Variants in GALNT11 observed in about 807,000 individuals in gnomAD.
GALNT11 encodes the protein polypeptide N-acetylgalactosaminyltransferase 11, also known as UDP-GalNAc:polypeptide N-acetylgalactosaminyltransferase 11.
GALNT11 carries 47 observed loss-of-function variants against 72.7 expected under a neutral mutation model. The observed-to-expected ratio is 0.65, with a 90% CI of 0.51 to 0.82. The LOEUF is 0.82. Ranked by LOEUF, GALNT11 falls within the 40% of genes least tolerant of loss-of-function variation. The pLI, the probability that GALNT11 is intolerant of heterozygous loss-of-function variation, is 0.00. For missense variants in GALNT11, 677 were observed against 778.4 expected, an observed-to-expected ratio of 0.87 and a Z score of 1.55; for synonymous variants, 270 against 286.6, an observed-to-expected ratio of 0.94 and a Z score of 0.58.
intron 1 of GALNT11, among the ~76,000 whole-genome samples, 188 bp downstream of exon 1, chr7:152,026,072 G>C (rs2081996123): frequency 6.6e-6 from 1 of 152,052 alleles, no homozygotes; most frequent in South Asian, 2.1e-4. Flanking sequence ...CTGCCCCCGC[G>C]CCTCCCCCAG....
chr7:152,121,031 G>A, intron 11 of GALNT11, 63 bp downstream of exon 11: 2 of 1,560,804 alleles, frequency 1.3e-6, no homozygotes, highest in South Asian at 1.2e-5. Context: ...GTGAGGGAGT[G>A]TGGCAGATGA....
intron 1 of GALNT11, among the ~76,000 whole-genome samples, chr7:152,085,384 G>A (rs895873556): frequency 6.6e-6 from 1 of 152,060 alleles, no homozygotes; most frequent in Non-Finnish European, 1.5e-5. Flanking sequence ...TGAAGTTTTG[G>A]CCCTATTAAC....
chr7:152,025,953 C>A, intron 1 of GALNT11, 69 bp downstream of exon 1: 1 of 161,862 alleles, frequency 6.2e-6, no homozygotes, highest in Non-Finnish European at 1.4e-5. Context: ...GGCGGCGGCG[C>A]GCGGGGCCTG....
At chr7:152,096,972 G>C (rs1327500531) in intron 2 of GALNT11, among the ~76,000 whole-genome samples, 3 of 151,922 alleles carry the variant, frequency 2.0e-5, no homozygotes, top group African/African-American at 7.3e-5. Context: ...GGGCTACAGG[G>C]GTGTACCACT....
Position 152,121,898 on chromosome 7 carries a change from T to A in GALNT11, c.*221T>A. 2.1e-6 allele frequency: 1 copy of A among 481,104 alleles called. No homozygotes were observed. The highest frequency in any genetic ancestry group is 3.8e-5 in the Admixed American group (1 of 26,020). 29.8% of individuals were successfully genotyped at this position (481,104 alleles called of 1,614,324 possible). A position where few individuals can be genotyped will look rare whatever the true frequency, so the allele number is the denominator to read the frequency against. Reference sequence around the variant, plus strand: ...GGGTGAAGAAGTGAGTGTCCACGGGTGAAGAAGTGAGTATGTTTCACCTGG... The same window carrying A: ...GGGTGAAGAAGTGAGTGTCCACGGGAGAAGAAGTGAGTATGTTTCACCTGG... On this transcript the variant is annotated 3_prime_UTR_variant, in exon 12 of 12. Coordinates refer to ENST00000430044, the MANE Select transcript of GALNT11 (RefSeq NM_022087.4).
At chr7:152,080,696 T>A (rs1437044756) in intron 1 of GALNT11, among the ~76,000 whole-genome samples, 1 of 152,136 alleles carries the variant, frequency 6.6e-6, no homozygotes, top group South Asian at 2.1e-4. Flanking sequence ...GTACAGTGGC[T>A]CACGCCTGTA....
chr7:152,036,111 CTT>C (rs2082565405), intron 1 of GALNT11, among the ~76,000 whole-genome samples: 1 of 152,164 alleles, frequency 6.6e-6, no homozygotes, highest in African/African-American at 2.4e-5. Flanking sequence ...CAATGATACT[CTT>C]TTAAAGTTAC....
chr7:152,055,520 CGT>C (rs3031460), intron 1 of GALNT11, among the ~76,000 whole-genome samples: 20,705 of 136,254 alleles, frequency 0.15, 1,730 homozygotes, highest in Middle Eastern at 0.22. Context: ...ATATATAAAG[CGT>C]GTGTGTGTGT....
intron 1 of GALNT11, among the ~76,000 whole-genome samples, chr7:152,080,070 TA>T (rs1457824135): frequency 6.6e-6 from 1 of 152,234 alleles, no homozygotes; most frequent in Non-Finnish European, 1.5e-5. Flanking sequence ...AGATGGACAT[TA>T]AAAGGTGGTT....
In GALNT11 at chr7:152,103,226, G is replaced by C. The variant is rs772652571; in HGVS notation, c.534G>C (p.Thr178=). The change falls in exon 4 of 12, where the codon ACG becomes ACC. Residue 178 remains threonine (T), a synonymous_variant. Transcript: ENST00000430044. ...LRTVHSVIDR[T]PAHLLHEIIL... ...CAGTGCACAGTGTCATAGACCGCACGCCAGCACACCTGCTTCATGAGATCA... is the reference window on the plus strand; with the variant it reads ...CAGTGCACAGTGTCATAGACCGCACCCCAGCACACCTGCTTCATGAGATCA... 1 of 1,613,424 alleles carries C rather than the reference G, an allele frequency of 6.2e-7. No individual in the cohort carries two copies. Among genetic ancestry groups the C allele is most frequent in the South Asian group, 1.1e-5 (1 of 91,068 alleles).
At chr7:152,116,339 C>G (rs892061313) in intron 8 of GALNT11, among the ~76,000 whole-genome samples, 2 of 152,122 alleles carry the variant, frequency 1.3e-5, no homozygotes, top group African/African-American at 4.8e-5. Flanking sequence ...CAACCTCCAC[C>G]TCCCAGGTTC....
At chr7:152,103,568 C>T (rs6464203) in intron 4 of GALNT11, 36,008 of 309,702 alleles carry the variant, frequency 0.12, 6,080 homozygotes, top group African/African-American at 0.47. Flanking sequence ...ACAAAGACGG[C>T]CTATGTACCT....
intron 6 of GALNT11, among the ~76,000 whole-genome samples, chr7:152,108,567 G>A (rs1300244472): frequency 1.3e-5 from 2 of 152,196 alleles, no homozygotes; most frequent in African/African-American, 4.8e-5. Flanking sequence ...GGAGGGCCCC[G>A]TGTGGTGGTT....
At chr7:152,067,249 G>A (rs1027840819) in intron 1 of GALNT11, among the ~76,000 whole-genome samples, 1 of 152,162 alleles carries the variant, frequency 6.6e-6, no homozygotes, top group African/African-American at 2.4e-5. Context: ...TTACCTGGCT[G>A]AGGCAGTGGT....
chr7:152,071,278 G>A (rs1165070908), intron 1 of GALNT11, among the ~76,000 whole-genome samples: 2 of 147,698 alleles, frequency 1.4e-5, no homozygotes, highest in African/African-American at 5.0e-5. Context: ...TAAGAGACGG[G>A]CACACCTGGG....
intron 2 of GALNT11, among the ~76,000 whole-genome samples, chr7:152,096,917 T>C (rs906163415): frequency 6.6e-6 from 1 of 152,174 alleles, no homozygotes; most frequent in Non-Finnish European, 1.5e-5. Flanking sequence ...AGCCTCAATC[T>C]CCTTGGCTCG....
chr7:152,034,410 T>A (rs946048314), intron 1 of GALNT11, among the ~76,000 whole-genome samples: 2 of 152,198 alleles, frequency 1.3e-5, no homozygotes, highest in Non-Finnish European at 2.9e-5. Context: ...TATACTTCCC[T>A]CAGGTGGCCA....
At chr7:152,101,738 A>T (rs1467825431) in intron 3 of GALNT11, among the ~76,000 whole-genome samples, 2 of 150,862 alleles carry the variant, frequency 1.3e-5, no homozygotes, top group African/African-American at 2.4e-5. Flanking sequence ...AGTTCAAGTG[A>T]TTCTCCTGCC....
intron 2 of GALNT11, among the ~76,000 whole-genome samples, chr7:152,100,039 A>G (rs1363629150): frequency 3.5e-5 from 5 of 144,746 alleles, no homozygotes; most frequent in African/African-American, 1.3e-4. Context: ...TTGGCCTCCC[A>G]AAGTGCTGGG....
Sources: allele counts gnomAD v4.1 joint callset (sites outside exome capture counted in the v4.1 genomes callset), GRCh38; gene constraint gnomAD v4.1.1; transcripts MANE v1.5; gene names NCBI Gene and HGNC (gene_info 2026-07-23, HGNC 2026-07-21).